SCNN1B: variants seen among roughly 807,000 people sequenced by gnomAD.
SCNN1B encodes epithelial sodium channel subunit beta.
A neutral mutation model predicts 65.3 loss-of-function variants in SCNN1B; 46 were observed. The ratio of observed to expected loss-of-function variants is 0.70; its 90% confidence interval spans 0.56 to 0.90. SCNN1B has a LOEUF of 0.90. Among genes scored for constraint, SCNN1B ranks in the 40% least tolerant of loss-of-function variants. SCNN1B has a pLI of 0.00. For missense variants in SCNN1B, 751 were observed against 830.5 expected, an observed-to-expected ratio of 0.90 and a Z score of 1.18; for synonymous variants, 349 against 330.6, an observed-to-expected ratio of 1.06 and a Z score of -0.60.
intron 2 of SCNN1B, among the ~76,000 whole-genome samples, chr16:23,288,213 G>T (rs1471075467): frequency 6.6e-6 from 1 of 151,756 alleles, no homozygotes. Context: ...TCTTTTATTA[G>T]CTAGGATATA....
chr16:23,381,194 C>T lies in SCNN1B; in HGVS notation c.*393C>T. Reference sequence around the variant, plus strand: ...TTTCTCCTTCCTGGCCTTGGCTGGCCTCTGGGGCAGGGGTGGTGGAGAGAT... The same window carrying T: ...TTTCTCCTTCCTGGCCTTGGCTGGCTTCTGGGGCAGGGGTGGTGGAGAGAT... On this transcript the variant is annotated 3_prime_UTR_variant, in exon 13 of 13. Coordinates refer to ENST00000343070, the MANE Select transcript of SCNN1B (RefSeq NM_000336.3). The T allele has an allele frequency of 1.1e-5, 3 of 285,024 alleles. No individual in the cohort carries two copies. Among genetic ancestry groups the T allele is most frequent in the South Asian group, 8.8e-5 (2 of 22,690 alleles). 17.7% of individuals were successfully genotyped at this position (285,024 alleles called of 1,614,324 possible).
intron 1 of SCNN1B, among the ~76,000 whole-genome samples, chr16:23,332,935 C>A (rs971301332): frequency 6.6e-6 from 1 of 151,986 alleles, no homozygotes; most frequent in Non-Finnish European, 1.5e-5. Flanking sequence ...CTGGACGCGG[C>A]GGCAGGCGCC....
chr16:23,380,405 T>A lies in SCNN1B; in HGVS notation c.1543-16T>A. 2 of 1,614,004 alleles carry A rather than the reference T, an allele frequency of 1.2e-6. No homozygotes were observed. Among genetic ancestry groups the A allele is most frequent in the Non-Finnish European group, 8.5e-7 (1 of 1,180,010 alleles). On this transcript the variant is annotated splice_polypyrimidine_tract_variant and intron_variant, in intron 12 of 12. Transcript: ENST00000343070. This position sits in a 1 kb window ranked among gnomAD's most constrained non-coding sequence, Gnocchi z 5.4. ...ATGTGTGGCCTGAGCTCACCCCAGC[T>A]CCCTGTTCCCCACAGATCGTCTGGC...
intron 1 of SCNN1B, among the ~76,000 whole-genome samples, chr16:23,343,979 T>C (rs1391716006): frequency 6.6e-6 from 1 of 152,238 alleles, no homozygotes; most frequent in Non-Finnish European, 1.5e-5. Flanking sequence ...CTTACTGAGT[T>C]TGATCTGGCT....
intron 7 of SCNN1B, among the ~76,000 whole-genome samples, chr16:23,374,268 GAAAAAAAA>G (rs1223701346): frequency 6.6e-5 from 4 of 60,438 alleles, no homozygotes; most frequent in Non-Finnish European, 6.3e-5. Flanking sequence ...CCTGTCTCAG[GAAAAAAAA>G]AAAAAAAAAA....
chr16:23,373,889 A>G (rs965859298), intron 7 of SCNN1B, among the ~76,000 whole-genome samples: 1 of 152,214 alleles, frequency 6.6e-6, no homozygotes, highest in Non-Finnish European at 1.5e-5. Context: ...AGAAGGTACC[A>G]GCCCCAGAAA....
chr16:23,369,937 T>G (rs1450141358), intron 5 of SCNN1B, among the ~76,000 whole-genome samples: 1 of 152,050 alleles, frequency 6.6e-6, no homozygotes, highest in African/African-American at 2.4e-5. Context: ...CATGTTTATT[T>G]TATTTTATTT....
intron 1 of SCNN1B, among the ~76,000 whole-genome samples, chr16:23,331,008 A>G (rs563033134): frequency 6.6e-5 from 10 of 152,206 alleles, no homozygotes; most frequent in Non-Finnish European, 1.2e-4. Context: ...AGCGTTCTTT[A>G]TCACCAGCCA....
chr16:23,337,253 T>C (rs1961961212), intron 1 of SCNN1B, among the ~76,000 whole-genome samples: 1 of 152,046 alleles, frequency 6.6e-6, no homozygotes, highest in Non-Finnish European at 1.5e-5. Context: ...AGGCTTTCAA[T>C]ATGTTACCTG....
At chr16:23,352,445 C>T (rs752633468) in intron 2 of SCNN1B, among the ~76,000 whole-genome samples, 5 of 152,322 alleles carry the variant, frequency 3.3e-5, no homozygotes, top group South Asian at 2.1e-4. Context: ...TTAGATCATA[C>T]GGGCGGCTTT....
chr16:23,374,268 G>GAAAAAAAAAAAAAAAA (rs1223701346), intron 7 of SCNN1B, among the ~76,000 whole-genome samples: 5 of 60,454 alleles, frequency 8.3e-5, no homozygotes, highest in Admixed American at 5.8e-4. Context: ...CCTGTCTCAG[G>GAAAAAAAAAAAAAAAA]AAAAAAAAAA....
At chr16:23,320,240 C>G (rs1343452313) in intron 1 of SCNN1B, among the ~76,000 whole-genome samples, 1 of 152,148 alleles carries the variant, frequency 6.6e-6, no homozygotes, top group Non-Finnish European at 1.5e-5. Context: ...ATGGCCAGAG[C>G]CTCCTGGAAG....
chr16:23,297,080 C>G (rs1329042366), intron 2 of SCNN1B, among the ~76,000 whole-genome samples: 1 of 152,004 alleles, frequency 6.6e-6, no homozygotes, highest in East Asian at 1.9e-4. Flanking sequence ...ACCAACCCAG[C>G]CAGAGACCCA....
intron 1 of SCNN1B, among the ~76,000 whole-genome samples, chr16:23,321,076 G>A (rs1472191502): frequency 2.0e-5 from 3 of 152,018 alleles, no homozygotes; most frequent in Non-Finnish European, 2.9e-5. Context: ...ACAGAGTCTC[G>A]CTCTGTCGCC....
chr16:23,290,655 T>C (rs1355113927), intron 2 of SCNN1B, among the ~76,000 whole-genome samples: 1 of 152,198 alleles, frequency 6.6e-6, no homozygotes, highest in East Asian at 1.9e-4. Context: ...TTCAAGACTG[T>C]TTATTTCTAA....
intron 1 of SCNN1B, among the ~76,000 whole-genome samples, chr16:23,315,467 C>T (rs1961434012): frequency 6.6e-6 from 1 of 152,182 alleles, no homozygotes; most frequent in South Asian, 2.1e-4. Context: ...GCCAAGGGCA[C>T]AGGGAGCCCA....
At chr16:23,365,483 A>AAAT (rs146513967) in intron 4 of SCNN1B, among the ~76,000 whole-genome samples, 1 of 145,540 alleles carries the variant, frequency 6.9e-6, no homozygotes, top group East Asian at 2.0e-4. Context: ...AGAGAAAGAA[A>AAAT]AAGAAGAAAA....
At chr16:23,353,168 G>A (rs1021390023) in intron 3 of SCNN1B, 94 bp downstream of exon 3, 1 of 1,409,434 alleles carries the variant, frequency 7.1e-7, no homozygotes, top group Non-Finnish European at 9.9e-7. Flanking sequence ...CTCGCTGGGG[G>A]AAAGACAAGA....
At chr16:23,346,200 CTTTTTTTT>C (rs753802362) in intron 1 of SCNN1B, among the ~76,000 whole-genome samples, 31 of 78,012 alleles carry the variant, frequency 4.0e-4, no homozygotes, top group African/African-American at 1.5e-3. Context: ...TTTTCCTTTT[CTTTTTTTT>C]TTTTTTTTTT....
Sources: gnomAD v4.1 joint callset for allele counts (sites outside exome capture counted in the v4.1 genomes callset) on GRCh38, gnomAD v4.1.1 for gene constraint, Gnocchi (gnomAD v3.1) non-coding constraint, MANE v1.5 for transcripts, NCBI Gene and HGNC (gene_info 2026-07-23, HGNC 2026-07-21) for gene names.